PIBF1: variants seen among roughly 807,000 people sequenced by gnomAD.
PIBF1 encodes progesterone immunomodulatory binding factor 1.
Under a neutral mutation model 112.5 loss-of-function variants are expected in PIBF1, and 90 were observed. The ratio of observed to expected loss-of-function variants is 0.80; its 90% CI spans 0.67 to 0.95. The LOEUF (loss-of-function observed/expected upper bound fraction) is 0.95, where lower values mean the gene tolerates loss of function less well. Among genes scored for constraint, PIBF1 ranks in the 40% least tolerant of loss-of-function variants. The pLI, the probability that PIBF1 is intolerant of heterozygous loss-of-function variation, is 0.00. For missense variants in PIBF1, 915 were observed against 852.3 expected (o/e 1.07, Z -0.92); for synonymous variants, 301 against 288.6 (o/e 1.04, Z -0.44).
chr13:72,981,271 A>T lies in PIBF1; in HGVS notation c.2049+7596A>T, dbSNP rs183487785. On this transcript the variant is annotated intron_variant, in intron 16 of 17. Coordinates refer to ENST00000326291, the MANE Select transcript of PIBF1 (RefSeq NM_006346.4). ...TGTCTCAAAAAAAATAAAATAAAATAAAATAAATAAATAAATAAAATAAAA... is the reference window on the plus strand; with the variant it reads ...TGTCTCAAAAAAAATAAAATAAAATTAAATAAATAAATAAATAAAATAAAA... Among the ~76,000 whole-genome samples the T allele has an allele frequency of 6.5e-3, 974 of 150,982 alleles. 19 individuals are homozygous for T. Among genetic ancestry groups the T allele is most frequent in the African/African-American group, 0.022 (904 of 41,368 alleles).
chr13:72,940,528 T>G (rs964929955), intron 14 of PIBF1, among the ~76,000 whole-genome samples: 4 of 152,220 alleles, frequency 2.6e-5, no homozygotes, highest in Admixed American at 2.6e-4. Context: ...TATATCACAT[T>G]GTTCAGCTTC....
At chr13:72,948,940 A>G (rs1250717145) in intron 14 of PIBF1, among the ~76,000 whole-genome samples, 1 of 152,228 alleles carries the variant, frequency 6.6e-6, no homozygotes, top group Admixed American at 6.5e-5. Flanking sequence ...GATTATGGGA[A>G]CTACAGTTGA....
chr13:72,906,365 G>A (rs1389499616), intron 11 of PIBF1, among the ~76,000 whole-genome samples: 2 of 151,980 alleles, frequency 1.3e-5, no homozygotes, highest in Admixed American at 6.6e-5. Flanking sequence ...TCAAAGGAAG[G>A]AAAATTTTAC....
chr13:72,998,822 G>A lies in PIBF1; in HGVS notation c.2050G>A (p.Glu684Lys). 1 of 1,608,140 alleles carries A rather than the reference G, an allele frequency of 6.2e-7. No individual in the cohort carries two copies. The highest frequency in any genetic ancestry group is 8.5e-7 in the Non-Finnish European group (1 of 1,176,408). ...DLEQLLNHRE[E>K]LAAMKQILVK... is the part of the protein sequence containing the mutation. ...TTCTTCTGTTTTCATATATCAACAG[G>A]AATTGGCAGCAATGAAACAGATTCT... The change falls in exon 17 of 18, where the codon GAA becomes AAA. Residue 684 changes from glutamate to lysine, a missense_variant and splice_region_variant. Glu to Lys is a moderately conservative substitution (Grantham distance 56). Transcript: ENST00000326291.
chr13:72,951,953 C>T (rs767815931), intron 14 of PIBF1, among the ~76,000 whole-genome samples: 1 of 151,968 alleles, frequency 6.6e-6, no homozygotes, highest in African/African-American at 2.4e-5. Context: ...TCAAGTGAGC[C>T]GCTTGCCTCG....
intron 5 of PIBF1, among the ~76,000 whole-genome samples, chr13:72,821,309 A>G (rs1229567872): frequency 6.6e-6 from 1 of 152,156 alleles, no homozygotes; most frequent in Non-Finnish European, 1.5e-5. Context: ...TGCTACTGAC[A>G]TGGGGAGAGT....
chr13:72,832,196 C>CTCAT (rs1377353446), intron 8 of PIBF1, among the ~76,000 whole-genome samples: 3 of 147,824 alleles, frequency 2.0e-5, no homozygotes, highest in Non-Finnish European at 4.5e-5. Flanking sequence ...ATACAGCACA[C>CTCAT]TCATGGGTCT....
intron 5 of PIBF1, among the ~76,000 whole-genome samples, chr13:72,801,667 T>C (rs542945548): frequency 6.6e-6 from 1 of 152,332 alleles, no homozygotes; most frequent in South Asian, 2.1e-4. Context: ...GATATCTGCT[T>C]AAAACGCTGT....
At chr13:72,974,808 TA>T (rs2138946907) in intron 16 of PIBF1, among the ~76,000 whole-genome samples, 1 of 152,322 alleles carries the variant, frequency 6.6e-6, no homozygotes, top group African/African-American at 2.4e-5. Context: ...TTCTCTTGGG[TA>T]AATACCCAGG....
At chr13:72,969,927 G>C (rs10492653) in intron 15 of PIBF1, among the ~76,000 whole-genome samples, 32 of 151,932 alleles carry the variant, frequency 2.1e-4, no homozygotes, top group Admixed American at 1.8e-3. Context: ...ATCCAAAAGC[G>C]TTATCAAGTT....
intron 11 of PIBF1, among the ~76,000 whole-genome samples, chr13:72,904,539 C>T (rs1441032539): frequency 7.0e-6 from 1 of 143,504 alleles, no homozygotes; most frequent in Non-Finnish European, 1.5e-5. Context: ...CTCCCAGGTT[C>T]AAGCGATTCT....
At chr13:72,925,245 A>T (rs2041439680) in intron 13 of PIBF1, among the ~76,000 whole-genome samples, 1 of 152,206 alleles carries the variant, frequency 6.6e-6, no homozygotes, top group East Asian at 1.9e-4. Context: ...TCTCACAAAT[A>T]AATTTAATTT....
At chr13:72,860,236 G>A (rs2038629192) in intron 10 of PIBF1, among the ~76,000 whole-genome samples, 1 of 151,874 alleles carries the variant, frequency 6.6e-6, no homozygotes. Context: ...AAAAGAAATG[G>A]TGAACACAAG....
chr13:72,821,576 T>C (rs1288990405), intron 5 of PIBF1, among the ~76,000 whole-genome samples: 2 of 152,222 alleles, frequency 1.3e-5, no homozygotes, highest in African/African-American at 4.8e-5. Context: ...TGTAGTCATT[T>C]TATGTTTTAG....
intron 17 of PIBF1, among the ~76,000 whole-genome samples, chr13:73,005,891 A>G (rs1354281424): frequency 1.3e-5 from 2 of 150,402 alleles, no homozygotes; most frequent in African/African-American, 4.9e-5. Context: ...CTTCTGTGTC[A>G]TATTTGTGTT....
chr13:72,969,330 T>C (rs2042831413), intron 15 of PIBF1, among the ~76,000 whole-genome samples: 1 of 152,174 alleles, frequency 6.6e-6, no homozygotes, highest in Admixed American at 6.5e-5. Context: ...GCCATGTCAT[T>C]TATGGAATTA....
At chr13:72,884,715 A>G (rs374706787) in intron 10 of PIBF1, 12 of 152,302 alleles carry the variant, frequency 7.9e-5, no homozygotes, top group East Asian at 1.9e-4. Context: ...CTCATTTTAT[A>G]AACAGCTGTA....
intron 2 of PIBF1, 89 bp downstream of exon 2, chr13:72,783,810 C>A: frequency 8.7e-7 from 1 of 1,143,858 alleles, no homozygotes; most frequent in Non-Finnish European, 1.3e-6. Flanking sequence ...ATTATCTGAA[C>A]TTGAAATGAT....
intron 16 of PIBF1, among the ~76,000 whole-genome samples, chr13:72,997,760 T>A (rs1226651775): frequency 2.0e-5 from 3 of 152,204 alleles, no homozygotes; most frequent in Non-Finnish European, 4.4e-5. Flanking sequence ...AGGAAAAAAT[T>A]ACCTGTTACA....
Sources: gnomAD v4.1 joint callset for allele counts (sites outside exome capture counted in the v4.1 genomes callset) on GRCh38, gnomAD v4.1.1 for gene constraint, MANE v1.5 for transcripts, NCBI Gene and HGNC (gene_info 2026-07-23, HGNC 2026-07-21) for gene names.